The following CRTC1 variants were observed in gnomAD, a reference collection of about 807,000 sequenced individuals.
The protein encoded by CRTC1 is CREB-regulated transcription coactivator 1.
CRTC1 carries 18 observed loss-of-function variants against 66.1 expected under a neutral mutation model. The ratio of observed to expected loss-of-function variants is 0.27; its 90% CI spans 0.19 to 0.40. CRTC1 has a LOEUF of 0.40. Among genes scored for constraint, CRTC1 ranks in the 10% least tolerant of loss-of-function variants. The pLI is 1.00. For missense variants in CRTC1, 669 were observed against 887.9 expected (o/e 0.75, Z 3.13); for synonymous variants, 416 against 398.8 (o/e 1.04, Z -0.51).
intron 1 of CRTC1, among the ~76,000 whole-genome samples, chr19:18,729,324 G>T (rs1476640919): frequency 6.6e-6 from 1 of 151,356 alleles, no homozygotes; most frequent in Non-Finnish European, 1.5e-5. Context: ...TACTCAGGGG[G>T]CTGAGGTGGG....
At position 18,684,157 on chromosome 19, in the gene CRTC1, C is replaced by T. The variant is rs544296138; in HGVS notation, c.126+329C>T. 3.3e-5 allele frequency among the ~76,000 whole-genome samples: 5 copies of T among 152,002 alleles called. No homozygotes were observed. In the East Asian group the frequency reaches 7.8e-4, roughly 24 times the overall value. On this transcript the variant is annotated intron_variant, in intron 1 of 13. Coordinates refer to ENST00000321949, the MANE Select transcript of CRTC1 (RefSeq NM_015321.3). ...TCGTTACCTGACAGGGGACAGGTGT[C>T]CCTACATCATTGTTACCCGAGGGGG...
chr19:18,691,290 A>G (rs2052829095), intron 1 of CRTC1, among the ~76,000 whole-genome samples: 1 of 151,808 alleles, frequency 6.6e-6, no homozygotes, highest in Admixed American at 6.6e-5. Flanking sequence ...CTGAGATGGG[A>G]CGATAACTTG....
intron 1 of CRTC1, among the ~76,000 whole-genome samples, chr19:18,720,158 T>G (rs1001025609): frequency 6.6e-6 from 1 of 152,102 alleles, no homozygotes; most frequent in African/African-American, 2.4e-5. Flanking sequence ...AAAGTGAGTT[T>G]TTTTGTTTTG....
intron 1 of CRTC1, among the ~76,000 whole-genome samples, chr19:18,686,019 A>G (rs2052676678): frequency 6.6e-6 from 1 of 152,150 alleles, no homozygotes; most frequent in Non-Finnish European, 1.5e-5. Context: ...GAGTTGTGCA[A>G]CCACCCCTAT....
At chr19:18,697,327 G>A (rs1162873035) in intron 1 of CRTC1, among the ~76,000 whole-genome samples, 1 of 152,128 alleles carries the variant, frequency 6.6e-6, no homozygotes, top group Non-Finnish European at 1.5e-5. Context: ...TTCCTTCTGG[G>A]CGAGCTTAGA....
At chr19:18,775,953 T>C (rs2240014) in intron 13 of CRTC1, 132 bp downstream of exon 13, 161,572 of 955,044 alleles carry the variant, frequency 0.17, 15,297 homozygotes, top group African/African-American at 0.36. Context: ...GATGGGGGCC[T>C]GAGGAGGCCA....
chr19:18,738,584 C>T (rs779090645), intron 1 of CRTC1, among the ~76,000 whole-genome samples: 1 of 152,076 alleles, frequency 6.6e-6, no homozygotes, highest in East Asian at 1.9e-4. Context: ...GGCGGATCAC[C>T]TGAGGTCAGG....
At chr19:18,748,409 A>G (rs1168135912) in intron 4 of CRTC1, among the ~76,000 whole-genome samples, 2 of 142,322 alleles carry the variant, frequency 1.4e-5, no homozygotes, top group Non-Finnish European at 3.1e-5. Context: ...TGGAGAGACA[A>G]GATCTTGCCA....
chr19:18,749,994 A>G (rs1370256852), intron 5 of CRTC1, 119 bp downstream of exon 5: 2 of 767,966 alleles, frequency 2.6e-6, no homozygotes, highest in East Asian at 2.7e-5. Context: ...GACTCAGACC[A>G]TGCTGAGGGA....
At chr19:18,705,007 G>C (rs1285313360) in intron 1 of CRTC1, among the ~76,000 whole-genome samples, 1 of 149,890 alleles carries the variant, frequency 6.7e-6, no homozygotes, top group Non-Finnish European at 1.5e-5. Flanking sequence ...GACGACTCCA[G>C]GGACCTCATG....
intron 6 of CRTC1, among the ~76,000 whole-genome samples, chr19:18,756,222 A>G (rs1326466748): frequency 6.7e-6 from 1 of 150,330 alleles, no homozygotes; most frequent in Non-Finnish European, 1.5e-5. Context: ...AATCTCAGCT[A>G]CTTGGGAGGT....
chr19:18,713,466 C>T (rs1335192354), intron 1 of CRTC1, among the ~76,000 whole-genome samples: 2 of 148,862 alleles, frequency 1.3e-5, no homozygotes, highest in African/African-American at 5.0e-5. Flanking sequence ...AGTGGCCGGG[C>T]TGTCTTCCCG....
At chr19:18,697,900 A>G (rs984488228) in intron 1 of CRTC1, among the ~76,000 whole-genome samples, 5 of 152,282 alleles carry the variant, frequency 3.3e-5, no homozygotes, top group African/African-American at 1.2e-4. Flanking sequence ...ACACAAGGAA[A>G]TATTTAGCAG....
In CRTC1 at chr19:18,760,278, A is replaced by AGAG; in HGVS notation, c.886+50_886+51insGAG. 7.1e-7 allele frequency: 1 copy of AGAG among 1,403,878 alleles called. No homozygotes were observed. Among genetic ancestry groups the AGAG allele is most frequent in the Non-Finnish European group, 9.8e-7 (1 of 1,023,686 alleles). 87.0% of individuals were successfully genotyped at this position (1,403,878 alleles called of 1,614,324 possible). A position where few individuals can be genotyped will look rare whatever the true frequency, so the allele number is the denominator to read the frequency against. On this transcript the variant is annotated intron_variant, in intron 8 of 13. Transcript: ENST00000321949. This position sits in a 1 kb window ranked among gnomAD's most constrained non-coding sequence, Gnocchi z 6.2. The stretch of plus-strand genomic sequence containing the variant: ...GGACAGAGCACTGGCTTGTGGAGAC[A>AGAG]ACACGGGCATCTGCAGGATGACTTG...
chr19:18,744,425 A>G (rs2054184016), intron 2 of CRTC1, among the ~76,000 whole-genome samples: 1 of 152,186 alleles, frequency 6.6e-6, no homozygotes, highest in Non-Finnish European at 1.5e-5. Flanking sequence ...TCTGGGGTCC[A>G]GCAGAGCAGA....
chr19:18,768,919 G>A lies in CRTC1; in HGVS notation c.1320+126G>A, dbSNP rs2054800793. 1 of 1,230,024 alleles carries A rather than the reference G, an allele frequency of 8.1e-7. No homozygotes were observed. The highest frequency in any genetic ancestry group is 1.1e-6 in the Non-Finnish European group (1 of 905,604). 76.2% of individuals were successfully genotyped at this position (1,230,024 alleles called of 1,614,324 possible). ...GTCAGAACCCCAGCGAACGCTGCCTGGGCCCACCTCTCCACGGGGCTACCC... is the reference window on the plus strand; with the variant it reads ...GTCAGAACCCCAGCGAACGCTGCCTAGGCCCACCTCTCCACGGGGCTACCC... On this transcript the variant is annotated intron_variant, in intron 10 of 13. Transcript: ENST00000321949. This position sits in a 1 kb window ranked among gnomAD's most constrained non-coding sequence, Gnocchi z 5.6.
chr19:18,687,570 A>G (rs545227922), intron 1 of CRTC1, among the ~76,000 whole-genome samples: 1 of 152,250 alleles, frequency 6.6e-6, no homozygotes, highest in Non-Finnish European at 1.5e-5. Context: ...TCCTGCAGCC[A>G]TGGCGCGCTG....
At position 18,778,814 on chromosome 19, in the gene CRTC1, G is replaced by A. The variant is rs1051946354; in HGVS notation, c.*1432G>A. 4.3e-6 allele frequency: 1 copy of A among 231,340 alleles called. No homozygotes were observed. Among genetic ancestry groups the A allele is most frequent in the Non-Finnish European group, 8.6e-6 (1 of 116,838 alleles). The allele number at this position is 231,340 out of a possible 1,614,324, so 14.3% of individuals were successfully genotyped here. Reference sequence around the variant, plus strand: ...CTCCCTGAGAACCTGGGTGGAACTGGCATTTCATCCCCTCTCCACCCTACC... The same window carrying A: ...CTCCCTGAGAACCTGGGTGGAACTGACATTTCATCCCCTCTCCACCCTACC... On this transcript the variant is annotated 3_prime_UTR_variant, in exon 14 of 14. Coordinates refer to ENST00000321949, the MANE Select transcript of CRTC1 (RefSeq NM_015321.3).
intron 1 of CRTC1, among the ~76,000 whole-genome samples, chr19:18,714,602 G>A (rs1006621785): frequency 1.3e-5 from 2 of 152,132 alleles, no homozygotes; most frequent in Non-Finnish European, 2.9e-5. Flanking sequence ...CACCACACTC[G>A]GCCTAAAACT....
Sources: gnomAD v4.1 joint callset for allele counts (sites outside exome capture counted in the v4.1 genomes callset) on GRCh38, gnomAD v4.1.1 for gene constraint, Gnocchi (gnomAD v3.1) non-coding constraint, MANE v1.5 for transcripts, NCBI Gene and HGNC (gene_info 2026-07-23, HGNC 2026-07-21) for gene names.